Variants in NEO1 observed in about 807,000 individuals in gnomAD.
NEO1 encodes the protein neogenin.
In NEO1, 63 loss-of-function variants were observed where a neutral mutation model predicts 159.7. The observed-to-expected ratio is 0.39, with a 90% CI of 0.32 to 0.49. The LOEUF (loss-of-function observed/expected upper bound fraction) is 0.49, where lower values mean the gene tolerates loss of function less well. Among genes scored for constraint, NEO1 ranks in the 20% least tolerant of loss-of-function variants. NEO1 has a pLI of 0.85. For missense variants in NEO1, 1,615 were observed against 1,831.0 expected (o/e 0.88, Z 2.15); for synonymous variants, 633 against 662.0 (o/e 0.96, Z 0.67).
intron 26 of NEO1, 134 bp from the exon 27 acceptor site, chr15:73,298,214 A>C (rs2042455107): frequency 4.8e-6 from 5 of 1,047,952 alleles, no homozygotes; most frequent in Non-Finnish European, 6.8e-6. Flanking sequence ...GTGCTAATCC[A>C]TGTTCTCTTG....
chr15:73,286,756 G>A (rs1390675704), intron 23 of NEO1, among the ~76,000 whole-genome samples: 1 of 152,102 alleles, frequency 6.6e-6, no homozygotes, highest in East Asian at 1.9e-4. Context: ...GCATCATCCT[G>A]TACTCCTCTT....
At chr15:73,287,694 A>C (rs2680338) in intron 23 of NEO1, among the ~76,000 whole-genome samples, 3 of 151,908 alleles carry the variant, frequency 2.0e-5, no homozygotes, top group African/African-American at 7.3e-5. Flanking sequence ...CAGCCTGGCC[A>C]ACATGGTGAA....
Position 73,249,110 on chromosome 15 carries a change from A to C in NEO1, c.1657A>C (p.Thr553Pro). The change falls in exon 10 of 29, where the codon ACC (threonine) becomes CCC (proline). Residue 553 changes from threonine (T) to proline (P), a missense_variant. Coordinates refer to ENST00000261908, the MANE Select transcript of NEO1 (RefSeq NM_002499.4). Reference protein sequence around the residue: ...PNLRAYAASPTSITVTWETPV... With the variant: ...PNLRAYAASPPSITVTWETPV... ...CCTTCGTGCATATGCAGCTTCGCCTACCTCCATCACTGTTACGTGGGAAAC... is the reference window on the plus strand; with the variant it reads ...CCTTCGTGCATATGCAGCTTCGCCTCCCTCCATCACTGTTACGTGGGAAAC... 1 of 1,614,076 alleles carries C rather than the reference A, an allele frequency of 6.2e-7. No homozygotes were observed. The highest frequency in any genetic ancestry group is 8.5e-7 in the Non-Finnish European group (1 of 1,179,980).
intron 4 of NEO1, among the ~76,000 whole-genome samples, chr15:73,131,587 GT>G (rs1310172968): frequency 6.6e-6 from 1 of 152,134 alleles, no homozygotes; most frequent in Admixed American, 6.5e-5. Context: ...CTTATTCTAA[GT>G]TACAGTCGGT....
chr15:73,055,704 CTT>C (rs2067661588), intron 1 of NEO1, among the ~76,000 whole-genome samples: 1 of 152,144 alleles, frequency 6.6e-6, no homozygotes, highest in African/African-American at 2.4e-5. Context: ...CTCGTGCTTC[CTT>C]CATCCCCATT....
intron 7 of NEO1, among the ~76,000 whole-genome samples, chr15:73,222,326 A>C (rs574655780): frequency 8.6e-5 from 13 of 151,526 alleles, no homozygotes; most frequent in Admixed American, 5.3e-4. Context: ...GGATGGTCTC[A>C]ATCTCCTGAC....
chr15:73,292,761 G>A (rs1468682162), intron 25 of NEO1, among the ~76,000 whole-genome samples: 1 of 152,182 alleles, frequency 6.6e-6, no homozygotes, highest in Non-Finnish European at 1.5e-5. Flanking sequence ...TCAGCCAGTG[G>A]TTCATGCTTT....
chr15:73,145,661 G>A (rs562456149), intron 5 of NEO1, among the ~76,000 whole-genome samples: 4 of 152,186 alleles, frequency 2.6e-5, no homozygotes, highest in East Asian at 1.9e-4. Flanking sequence ...ATTAAATGAC[G>A]AAAAGTAAGA....
rs538465081 is a variant in NEO1 at position 73,152,017 on chromosome 15, G to A, written c.1015+15990G>A. On this transcript the variant is annotated intron_variant, in intron 5 of 28. Transcript: ENST00000261908. ...GAATTTGCCTATTGTATTAGTCAGG[G>A]TTATCCAAAGAAACAGAGCCAATAG... Among the ~76,000 whole-genome samples, 535 of 152,182 alleles carry A rather than the reference G, an allele frequency of 3.5e-3. 3 individuals are homozygous for A. Among genetic ancestry groups the A allele is most frequent in the African/African-American group, 0.012 (504 of 41,508 alleles).
At chr15:73,131,031 C>A (rs1019160020) in intron 4 of NEO1, among the ~76,000 whole-genome samples, 6 of 152,074 alleles carry the variant, frequency 3.9e-5, no homozygotes, top group Non-Finnish European at 7.4e-5. Flanking sequence ...CTGAACTACC[C>A]CCACCTGACA....
chr15:73,124,809 G>A (rs2029952010), intron 3 of NEO1, among the ~76,000 whole-genome samples: 2 of 152,038 alleles, frequency 1.3e-5, no homozygotes, highest in Admixed American at 6.6e-5. Flanking sequence ...TAGTATGTAA[G>A]CTCAACCAGA....
intron 7 of NEO1, among the ~76,000 whole-genome samples, chr15:73,189,096 C>A (rs917806141): frequency 1.3e-5 from 2 of 152,182 alleles, no homozygotes; most frequent in African/African-American, 4.8e-5. Context: ...AAGACCACCA[C>A]CCTACCCATG....
intron 7 of NEO1, among the ~76,000 whole-genome samples, chr15:73,216,415 C>T (rs544877426): frequency 1.1e-4 from 17 of 152,040 alleles, no homozygotes; most frequent in Non-Finnish European, 2.2e-4. Context: ...GTCTTTATAG[C>T]GGCATGATTT....
chr15:73,053,844 C>A (rs1313421607), intron 1 of NEO1, among the ~76,000 whole-genome samples: 1 of 152,224 alleles, frequency 6.6e-6, no homozygotes, highest in African/African-American at 2.4e-5. Flanking sequence ...CATTTGAAAG[C>A]AGTCTTACCG....
chr15:73,107,970 C>T (rs1462002017), intron 1 of NEO1, among the ~76,000 whole-genome samples: 1 of 152,122 alleles, frequency 6.6e-6, no homozygotes, highest in African/African-American at 2.4e-5. Flanking sequence ...TGACTTGAAA[C>T]CAGGAGTTTG....
intron 22 of NEO1, among the ~76,000 whole-genome samples, chr15:73,281,299 A>G (rs2041696678): frequency 1.4e-5 from 2 of 148,092 alleles, no homozygotes; most frequent in South Asian, 2.2e-4. Flanking sequence ...TCTGTCGCCC[A>G]GGCTGGAGTG....
chr15:73,209,991 G>A (rs970499600), intron 7 of NEO1, among the ~76,000 whole-genome samples: 4 of 152,170 alleles, frequency 2.6e-5, no homozygotes, highest in East Asian at 3.9e-4. Flanking sequence ...CAACAAGAGC[G>A]AAACTCTGTC....
intron 5 of NEO1, among the ~76,000 whole-genome samples, chr15:73,174,099 C>CA (rs35792534): frequency 0.87 from 124,710 of 143,120 alleles, 54,660 homozygotes; most frequent in Non-Finnish European, 0.93. Flanking sequence ...GACTCCATCT[C>CA]AAAAAAAAAA....
At chr15:73,181,925 T>G (rs2035634356) in intron 7 of NEO1, among the ~76,000 whole-genome samples, 1 of 152,202 alleles carries the variant, frequency 6.6e-6, no homozygotes, top group Non-Finnish European at 1.5e-5. Context: ...ACTAGGTGTA[T>G]TAGTCCATTT....
Sources: gnomAD v4.1 joint callset for allele counts (sites outside exome capture counted in the v4.1 genomes callset) on GRCh38, gnomAD v4.1.1 for gene constraint, MANE v1.5 for transcripts, NCBI Gene and HGNC (gene_info 2026-07-23, HGNC 2026-07-21) for gene names.